DLG2: variants seen among roughly 807,000 people sequenced by gnomAD.
The protein encoded by DLG2 is discs large MAGUK scaffold protein 2, also known as disks large homolog 2.
Under a neutral mutation model 132.5 loss-of-function variants are expected in DLG2, and 45 were observed. The ratio of observed to expected loss-of-function variants is 0.34; its 90% CI spans 0.27 to 0.44. The LOEUF (loss-of-function observed/expected upper bound fraction) is 0.44, where lower values mean the gene tolerates loss of function less well. DLG2 is among the 20% of genes least tolerant of loss of function. DLG2 has a pLI of 1.00. For missense variants in DLG2, 1,045 were observed against 1,196.9 expected (o/e 0.87, Z 1.87); for synonymous variants, 424 against 419.6 (o/e 1.01, Z -0.13).
chr11:84,053,102 A>T (rs1309726016), intron 11 of DLG2, among the ~76,000 whole-genome samples: 1 of 152,084 alleles, frequency 6.6e-6, no homozygotes, highest in Non-Finnish European at 1.5e-5. Flanking sequence ...GAAGGAGATC[A>T]TGTCCTTTGC....
chr11:84,335,593 T>C (rs2098481062), intron 7 of DLG2, among the ~76,000 whole-genome samples: 1 of 152,184 alleles, frequency 6.6e-6, no homozygotes. Flanking sequence ...ATGTCATTAC[T>C]ACCTACACTG....
At chr11:83,831,851 T>G (rs2054619130) in intron 17 of DLG2, among the ~76,000 whole-genome samples, 1 of 151,948 alleles carries the variant, frequency 6.6e-6, no homozygotes. Flanking sequence ...AGGAGGAAGC[T>G]TGACATAGTA....
At chr11:85,568,943 T>C (rs928426409) in intron 3 of DLG2, among the ~76,000 whole-genome samples, 1 of 152,192 alleles carries the variant, frequency 6.6e-6, no homozygotes, top group Non-Finnish European at 1.5e-5. Flanking sequence ...CCTTCCCTGT[T>C]TGCTTTGGGT....
chr11:84,429,212 T>A (rs2098976591), intron 7 of DLG2, among the ~76,000 whole-genome samples: 1 of 152,222 alleles, frequency 6.6e-6, no homozygotes, highest in Non-Finnish European at 1.5e-5. Flanking sequence ...TTTCATCTAG[T>A]GCTAGGCGTT....
intron 6 of DLG2, among the ~76,000 whole-genome samples, chr11:85,105,700 G>A (rs1594257487): frequency 1.3e-5 from 2 of 151,934 alleles, no homozygotes; most frequent in East Asian, 1.9e-4. Flanking sequence ...ATTTATAAGA[G>A]GACTGCTGAT....
At chr11:85,384,136 T>A (rs17148131) in intron 3 of DLG2, among the ~76,000 whole-genome samples, 6,133 of 152,242 alleles carry the variant, frequency 0.04, 387 homozygotes, top group African/African-American at 0.14. Context: ...ATAATACATA[T>A]GAAAGTCCAA....
intron 18 of DLG2, among the ~76,000 whole-genome samples, chr11:83,755,940 CA>C (rs1280562576): frequency 2.0e-5 from 3 of 151,394 alleles, no homozygotes; most frequent in Non-Finnish European, 4.4e-5. Context: ...TTATGAGTTA[CA>C]CTCAAATAGT....
chr11:84,285,584 C>T (rs562040896), intron 7 of DLG2, among the ~76,000 whole-genome samples: 9 of 152,264 alleles, frequency 5.9e-5, no homozygotes, highest in South Asian at 2.1e-4. Flanking sequence ...GATCCCTGTC[C>T]TCTATTTGCT....
intron 6 of DLG2, among the ~76,000 whole-genome samples, chr11:84,868,101 ATAT>A (rs56414167): frequency 4.5e-4 from 67 of 147,966 alleles, no homozygotes; most frequent in Non-Finnish European, 8.6e-4. Flanking sequence ...TATTAATAAT[ATAT>A]TATTATATAT....
chr11:84,580,905 T>C (rs2099514800), intron 6 of DLG2, among the ~76,000 whole-genome samples: 1 of 152,234 alleles, frequency 6.6e-6, no homozygotes, highest in East Asian at 1.9e-4. Flanking sequence ...TACCATCAGG[T>C]AGTCTAAATG....
intron 8 of DLG2, among the ~76,000 whole-genome samples, chr11:84,189,833 G>A (rs983484188): frequency 1.3e-5 from 2 of 152,016 alleles, no homozygotes; most frequent in Non-Finnish European, 2.9e-5. Flanking sequence ...AGAGGCCTAT[G>A]GGGGGAAGGA....
intron 6 of DLG2, among the ~76,000 whole-genome samples, chr11:84,584,231 C>T (rs557780998): frequency 7.5e-4 from 114 of 152,112 alleles, no homozygotes; most frequent in African/African-American, 2.6e-3. Context: ...AAAATGGTAT[C>T]GGGCTTAATT....
chr11:84,955,965 G>A (rs1358474260), intron 6 of DLG2, among the ~76,000 whole-genome samples: 2 of 152,170 alleles, frequency 1.3e-5, no homozygotes, highest in Non-Finnish European at 2.9e-5. Context: ...TTCCAAAACA[G>A]CACAATATTA....
chr11:85,163,151 G>A (rs966245811), intron 4 of DLG2, among the ~76,000 whole-genome samples: 1 of 151,814 alleles, frequency 6.6e-6, no homozygotes, highest in Non-Finnish European at 1.5e-5. Context: ...ACAACCTATT[G>A]TGGGACCTTG....
At position 83,933,964 on chromosome 11, in the gene DLG2, C is replaced by T. The variant is rs1302493378; in HGVS notation, c.1341-3481G>A. ...ATGGAGAAGGTAGCTGTAGCTGTGT[C>T]CACTAATTATAGAGCACCAGAGTGA... On this transcript the variant is annotated intron_variant, in intron 14 of 27. Coordinates refer to ENST00000376104, the MANE Select transcript of DLG2 (RefSeq NM_001142699.3). 4.6e-5 allele frequency among the ~76,000 whole-genome samples: 7 copies of T among 152,224 alleles called. No homozygotes were observed. In the South Asian group the frequency reaches 6.2e-4, roughly 14 times the overall value.
chr11:83,927,797 C>T (rs1251981669), intron 15 of DLG2, among the ~76,000 whole-genome samples: 1 of 151,830 alleles, frequency 6.6e-6, no homozygotes, highest in African/African-American at 2.4e-5. Flanking sequence ...ATGATGGGGG[C>T]TTGGATTAAA....
intron 5 of DLG2, among the ~76,000 whole-genome samples, chr11:85,144,349 C>CTTTTTTTTTTTTTTTTTTTTTTTTTGGTT (rs35874789): frequency 7.2e-6 from 1 of 138,060 alleles, no homozygotes; most frequent in Non-Finnish European, 1.6e-5. Flanking sequence ...ATAATTGGGT[C>CTTTTTTTTTTTTTTTTTTTTTTTTTGGTT]TTTTTTTTTT....
At chr11:84,559,456 G>T (rs1349041619) in intron 6 of DLG2, among the ~76,000 whole-genome samples, 1 of 152,028 alleles carries the variant, frequency 6.6e-6, no homozygotes, top group Non-Finnish European at 1.5e-5. Context: ...AAATCATTAG[G>T]TTTCACTGTT....
intron 6 of DLG2, among the ~76,000 whole-genome samples, chr11:84,894,657 AT>A (rs1200629357): frequency 3.3e-5 from 5 of 152,152 alleles, no homozygotes; most frequent in Admixed American, 6.5e-5. Context: ...AAGTAGCCAC[AT>A]TGTTGGAAGG....
Sources: allele counts gnomAD v4.1 joint callset (sites outside exome capture counted in the v4.1 genomes callset), GRCh38; gene constraint gnomAD v4.1.1; transcripts MANE v1.5; gene names NCBI Gene and HGNC (gene_info 2026-07-23, HGNC 2026-07-21).